The following CACNA2D1 variants were observed in gnomAD, a reference collection of about 807,000 sequenced individuals.
The protein encoded by CACNA2D1 is voltage-dependent calcium channel subunit alpha-2/delta-1.
Under a neutral mutation model 171.5 loss-of-function variants are expected in CACNA2D1, and 53 were observed. That is an observed-to-expected ratio of 0.31 (90% CI 0.25 to 0.39). The LOEUF (loss-of-function observed/expected upper bound fraction) is 0.39. CACNA2D1 is among the 10% of genes least tolerant of loss of function. The pLI is 1.00. For missense variants in CACNA2D1, 903 were observed against 1,299.8 expected, an observed-to-expected ratio of 0.69 and a Z score of 4.69; for synonymous variants, 442 against 443.1, an observed-to-expected ratio of 1.00 and a Z score of 0.03.
At position 82,116,080 on chromosome 7, in the gene CACNA2D1, G is replaced by A. The variant is rs77064033; in HGVS notation, c.526+964C>T. On this transcript the variant is annotated intron_variant, in intron 6 of 38. Transcript: ENST00000356860. Reference sequence around the variant, plus strand: ...CTGGATTCCAAATACACTCTACCGCGTCTCAATTAAGAGGAATACAAGAAA... The same window carrying A: ...CTGGATTCCAAATACACTCTACCGCATCTCAATTAAGAGGAATACAAGAAA... Among the ~76,000 whole-genome samples, 705 of 152,232 alleles carry A rather than the reference G, an allele frequency of 4.6e-3. 6 individuals carry two copies. Among genetic ancestry groups the A allele is most frequent in the African/African-American group, 0.016 (670 of 41,544 alleles).
At chr7:82,443,935 C>G, upstream of CACNA2D1, 1 of 191,746 alleles carries the variant, frequency 5.2e-6, no homozygotes, top group East Asian at 1.0e-4. Flanking sequence ...CGAGAGGCTC[C>G]GTCTGGCTTC....
At chr7:82,089,564 T>C (rs1810886757) in intron 6 of CACNA2D1, among the ~76,000 whole-genome samples, 1 of 152,198 alleles carries the variant, frequency 6.6e-6, no homozygotes, top group Non-Finnish European at 1.5e-5. Context: ...ATCTCTATTC[T>C]TTGTTTACTT....
intron 1 of CACNA2D1, among the ~76,000 whole-genome samples, chr7:82,408,943 C>A (rs1412224613): frequency 6.6e-6 from 1 of 151,862 alleles, no homozygotes; most frequent in Admixed American, 6.6e-5. Flanking sequence ...GGGAGGATGG[C>A]AAACCAACAA....
chr7:82,052,448 T>A (rs1236945813), intron 10 of CACNA2D1, among the ~76,000 whole-genome samples: 1 of 152,212 alleles, frequency 6.6e-6, no homozygotes, highest in Non-Finnish European at 1.5e-5. Context: ...TTGTTAAATC[T>A]GTATTTAATG....
At chr7:82,013,198 TTTTA>T (rs1800012618) in intron 14 of CACNA2D1, among the ~76,000 whole-genome samples, 1 of 151,982 alleles carries the variant, frequency 6.6e-6, no homozygotes, top group Non-Finnish European at 1.5e-5. Context: ...GAAAATTTGA[TTTTA>T]TTTATTTTCT....
intron 6 of CACNA2D1, among the ~76,000 whole-genome samples, chr7:82,112,260 T>G (rs1326729386): frequency 6.6e-6 from 1 of 152,198 alleles, no homozygotes; most frequent in Admixed American, 6.5e-5. Context: ...ATAATTTCAC[T>G]CTTTAATTTC....
At chr7:82,035,029 C>A (rs531937577) in intron 11 of CACNA2D1, among the ~76,000 whole-genome samples, 1 of 151,942 alleles carries the variant, frequency 6.6e-6, no homozygotes, top group Non-Finnish European at 1.5e-5. Context: ...AATCACACAG[C>A]GACAACAATT....
intron 3 of CACNA2D1, among the ~76,000 whole-genome samples, chr7:82,230,805 G>A (rs1007427201): frequency 2.0e-5 from 3 of 151,864 alleles, no homozygotes; most frequent in African/African-American, 4.9e-5. Flanking sequence ...GAGAATACCA[G>A]TATAAGAAAA....
chr7:82,215,400 G>A (rs1022840038), intron 3 of CACNA2D1, among the ~76,000 whole-genome samples: 6 of 152,150 alleles, frequency 3.9e-5, no homozygotes, highest in African/African-American at 1.4e-4. Context: ...GCAGTAAACA[G>A]CAGAACGCAG....
At chr7:82,056,795 T>C (rs1018427589) in intron 10 of CACNA2D1, among the ~76,000 whole-genome samples, 9 of 152,194 alleles carry the variant, frequency 5.9e-5, no homozygotes, top group African/African-American at 2.2e-4. Context: ...CCCTTTCTTG[T>C]TCACAGATGA....
chr7:82,188,803 G>A (rs1402455251), intron 3 of CACNA2D1, among the ~76,000 whole-genome samples: 4 of 152,218 alleles, frequency 2.6e-5, no homozygotes, highest in Non-Finnish European at 1.5e-5. Flanking sequence ...TAAAGAAAAT[G>A]TGGTACATGT....
intron 3 of CACNA2D1, among the ~76,000 whole-genome samples, chr7:82,286,070 A>G (rs1810725365): frequency 6.6e-6 from 1 of 151,968 alleles, no homozygotes; most frequent in Non-Finnish European, 1.5e-5. Flanking sequence ...GCCCCCTTGT[A>G]ATACACCACT....
intron 20 of CACNA2D1, 129 bp from the exon 21 acceptor site, chr7:81,991,375 A>G (rs1797524055): frequency 1.8e-6 from 1 of 562,710 alleles, no homozygotes; most frequent in East Asian, 2.9e-5. Context: ...GGTATGATCT[A>G]TTTTATTCTA....
intron 3 of CACNA2D1, among the ~76,000 whole-genome samples, chr7:82,309,929 A>G (rs1180939849): frequency 2.0e-5 from 3 of 152,228 alleles, no homozygotes; most frequent in African/African-American, 4.8e-5. Flanking sequence ...ACTTTTCAGT[A>G]AAGTCTTTAA....
intron 3 of CACNA2D1, among the ~76,000 whole-genome samples, chr7:82,320,813 T>C (rs1045360796): frequency 6.6e-6 from 1 of 150,568 alleles, no homozygotes; most frequent in Non-Finnish European, 1.5e-5. Flanking sequence ...CTATAAACAG[T>C]ATTCATATCA....
At chr7:82,009,634 A>G (rs7800486) in intron 15 of CACNA2D1, among the ~76,000 whole-genome samples, 41,480 of 151,974 alleles carry the variant, frequency 0.27, 5,803 homozygotes, top group Middle Eastern at 0.48. Flanking sequence ...TTTATACTGC[A>G]TACCATAATT....
rs5885283 is a variant in CACNA2D1 at position 82,287,997 on chromosome 7, A to ATTT, written c.294+47135_294+47137dup. On this transcript the variant is annotated intron_variant, in intron 3 of 38. Coordinates refer to ENST00000356860, the MANE Select transcript of CACNA2D1 (RefSeq NM_000722.4). ...AGGAGCCCACCACCATGCCCGGCTA[A>ATTT]TTTTTTTTTTTTTTTTGTATTTTTA... 3.2e-4 allele frequency among the ~76,000 whole-genome samples: 45 copies of ATTT among 138,906 alleles called. 1 individual carries two copies. The highest frequency in any genetic ancestry group is 1.2e-3 in the African/African-American group (42 of 35,570). 91.1% of individuals were successfully genotyped at this position (138,906 alleles called of 152,430 possible). A position where few individuals can be genotyped will look rare whatever the true frequency, so the allele number is the denominator to read the frequency against.
intron 5 of CACNA2D1, 136 bp downstream of exon 5, chr7:82,136,499 G>A (rs537161941): frequency 3.3e-6 from 2 of 608,986 alleles, no homozygotes; most frequent in Admixed American, 2.9e-5. Context: ...TCATTATCTC[G>A]TATCTAACTA....
intron 14 of CACNA2D1, among the ~76,000 whole-genome samples, chr7:82,012,505 T>C (rs745656548): frequency 2.0e-5 from 3 of 152,138 alleles, no homozygotes; most frequent in Non-Finnish European, 4.4e-5. Context: ...CAGAGCATTG[T>C]TTTTCTGTGT....
Sources: gnomAD v4.1 joint callset for allele counts (sites outside exome capture counted in the v4.1 genomes callset) on GRCh38, gnomAD v4.1.1 for gene constraint, MANE v1.5 for transcripts, NCBI Gene and HGNC (gene_info 2026-07-23, HGNC 2026-07-21) for gene names.